The following NTRK2 variants were observed in gnomAD, a reference collection of about 807,000 sequenced individuals.
NTRK2 encodes the protein BDNF/NT-3 growth factors receptor.
A neutral mutation model predicts 94.5 loss-of-function variants in NTRK2; 13 were observed. That is an observed-to-expected ratio of 0.14 (90% CI 0.09 to 0.22). The LOEUF is 0.22. Ranked by LOEUF, NTRK2 falls within the 10% of genes least tolerant of loss-of-function variation. The pLI is 1.00. For synonymous variants in NTRK2, 372 were observed against 407.4 expected (o/e 0.91, Z 1.05); for missense variants, 639 against 1,071.2 (o/e 0.60, Z 5.63).
At chr9:84,820,722 G>A (rs2072755315) in intron 12 of NTRK2, among the ~76,000 whole-genome samples, 1 of 152,170 alleles carries the variant, frequency 6.6e-6, no homozygotes. Flanking sequence ...CGTTGTTCAA[G>A]GATCAAGTGT....
intron 17 of NTRK2, among the ~76,000 whole-genome samples, chr9:85,014,644 A>G (rs998365724): frequency 6.6e-6 from 1 of 152,248 alleles, no homozygotes; most frequent in Non-Finnish European, 1.5e-5. Context: ...TAAGAAATAA[A>G]CTTTGTAGTC....
chr9:84,681,957 A>G (rs1206764472), intron 2 of NTRK2, among the ~76,000 whole-genome samples: 1 of 152,236 alleles, frequency 6.6e-6, no homozygotes, highest in Non-Finnish European at 1.5e-5. Flanking sequence ...AAAAAAGAAC[A>G]AATTATAACT....
At chr9:84,921,868 G>A (rs2077578213) in intron 14 of NTRK2, among the ~76,000 whole-genome samples, 1 of 152,154 alleles carries the variant, frequency 6.6e-6, no homozygotes. Flanking sequence ...AAAATCAAAT[G>A]TGTTCAAATT....
Position 84,702,042 on chromosome 9 carries a change from G to A in NTRK2, c.213-117G>A, listed in dbSNP as rs1396090031. On this transcript the variant is annotated intron_variant, in intron 2 of 18. Coordinates refer to ENST00000277120, the MANE Select transcript of NTRK2 (RefSeq NM_006180.6). The stretch of plus-strand genomic sequence containing the variant: ...ACTGCTGTATTTAAAAAAATGGCAA[G>A]GCTCAGAGTGGTGTGGAGGGAGCAC... 4.2e-5 allele frequency: 36 copies of A among 856,364 alleles called. No individual in the cohort carries two copies. In the Admixed American group the frequency reaches 7.1e-4, roughly 17 times the overall value. 53.0% of individuals were successfully genotyped at this position (856,364 alleles called of 1,614,324 possible).
At chr9:84,736,815 A>T (rs1455909162) in intron 9 of NTRK2, among the ~76,000 whole-genome samples, 4 of 152,070 alleles carry the variant, frequency 2.6e-5, no homozygotes, top group Non-Finnish European at 5.9e-5. Flanking sequence ...AAAAGTGGAG[A>T]CTCCCACTGC....
At position 85,027,017 on chromosome 9, in the gene NTRK2, T is replaced by TA; in HGVS notation, c.*5585dup. ...GTCTCTTGTACTACAGTGTATTTAATAAAAATGATGTCTTACAATAAATAA... is the reference window on the plus strand; with the variant it reads ...GTCTCTTGTACTACAGTGTATTTAATAAAAAATGATGTCTTACAATAAATAA... On this transcript the variant is annotated 3_prime_UTR_variant, in exon 19 of 19. Transcript: ENST00000277120. 4.3e-6 allele frequency: 1 copy of TA among 231,884 alleles called. No individual in the cohort carries two copies. Among genetic ancestry groups the TA allele is most frequent in the East Asian group, 6.1e-5 (1 of 16,306 alleles). 14.4% of individuals were successfully genotyped at this position (231,884 alleles called of 1,614,324 possible). A position where few individuals can be genotyped will look rare whatever the true frequency, so the allele number is the denominator to read the frequency against.
At chr9:84,964,565 C>T (rs894105535) in intron 17 of NTRK2, among the ~76,000 whole-genome samples, 7 of 152,176 alleles carry the variant, frequency 4.6e-5, no homozygotes, top group African/African-American at 1.7e-4. Flanking sequence ...CTACGTGCAG[C>T]TCTCTCTTCT....
At chr9:84,896,131 T>A (rs1403002938) in intron 14 of NTRK2, among the ~76,000 whole-genome samples, 2 of 152,220 alleles carry the variant, frequency 1.3e-5, no homozygotes, top group Non-Finnish European at 2.9e-5. Flanking sequence ...CAAGGCAACT[T>A]TGGTTAATGC....
chr9:84,758,393 T>C (rs1304088091), intron 12 of NTRK2, among the ~76,000 whole-genome samples: 1 of 151,942 alleles, frequency 6.6e-6, no homozygotes, highest in Admixed American at 6.6e-5. Flanking sequence ...TAATTATTAT[T>C]ATTATTATTA....
At chr9:84,709,883 G>A (rs2061324950) in intron 5 of NTRK2, among the ~76,000 whole-genome samples, 1 of 152,076 alleles carries the variant, frequency 6.6e-6, no homozygotes, top group Non-Finnish European at 1.5e-5. Context: ...AGGTCTGAAT[G>A]GCGGTGGCTT....
chr9:84,906,570 G>C (rs2077082882), intron 14 of NTRK2, among the ~76,000 whole-genome samples: 1 of 152,224 alleles, frequency 6.6e-6, no homozygotes, highest in Admixed American at 6.5e-5. Context: ...GGTTCTTCCA[G>C]CTGACTGGGT....
At chr9:84,953,008 C>T (rs900172112) in intron 16 of NTRK2, among the ~76,000 whole-genome samples, 22 of 152,156 alleles carry the variant, frequency 1.4e-4, no homozygotes, top group Middle Eastern at 3.4e-3. Flanking sequence ...AAATTCTGAC[C>T]GAGTCTCTGG....
At chr9:84,684,983 G>A (rs1448884293) in intron 2 of NTRK2, among the ~76,000 whole-genome samples, 2 of 151,336 alleles carry the variant, frequency 1.3e-5, no homozygotes, top group East Asian at 1.9e-4. Context: ...TTCTAGTAAA[G>A]CTTATTTTTT....
At chr9:84,922,737 A>C (rs2077608303) in intron 14 of NTRK2, among the ~76,000 whole-genome samples, 1 of 152,182 alleles carries the variant, frequency 6.6e-6, no homozygotes, top group Non-Finnish European at 1.5e-5. Flanking sequence ...TGCAATTAAC[A>C]ACCATTGACT....
At chr9:84,672,836 C>T (rs1033085055) in intron 2 of NTRK2, among the ~76,000 whole-genome samples, 2 of 152,186 alleles carry the variant, frequency 1.3e-5, no homozygotes, top group Non-Finnish European at 2.9e-5. Flanking sequence ...TTATATCTGT[C>T]CTCACAATTG....
chr9:84,858,206 C>G (rs1014172002), intron 12 of NTRK2, among the ~76,000 whole-genome samples: 2 of 152,094 alleles, frequency 1.3e-5, no homozygotes, highest in African/African-American at 4.8e-5. Context: ...CTTGATTTCT[C>G]TAAAAACCTC....
intron 14 of NTRK2, among the ~76,000 whole-genome samples, chr9:84,909,289 A>T (rs2077167840): frequency 6.6e-6 from 1 of 152,196 alleles, no homozygotes; most frequent in African/African-American, 2.4e-5. Context: ...ATTCCATGGT[A>T]TAAATGTATC....
chr9:84,858,366 CTG>C (rs1179863613), intron 12 of NTRK2, among the ~76,000 whole-genome samples: 2 of 151,834 alleles, frequency 1.3e-5, no homozygotes, highest in African/African-American at 4.8e-5. Context: ...TTTTGCCTAA[CTG>C]TGCGATTTTC....
intron 17 of NTRK2, among the ~76,000 whole-genome samples, chr9:84,976,300 A>G (rs1444218622): frequency 1.3e-5 from 2 of 152,084 alleles, no homozygotes; most frequent in Admixed American, 1.3e-4. Context: ...TGGCAGAGAG[A>G]GCTCTGTTGT....
Sources: gnomAD v4.1 joint callset for allele counts (sites outside exome capture counted in the v4.1 genomes callset) on GRCh38, gnomAD v4.1.1 for gene constraint, MANE v1.5 for transcripts, NCBI Gene and HGNC (gene_info 2026-07-23, HGNC 2026-07-21) for gene names.